Variants in MAX observed in about 807,000 individuals in gnomAD.
The protein encoded by MAX is MYC associated transcriptional regulator X.
Under a neutral mutation model 22.3 loss-of-function variants are expected in MAX, and 3 were observed. That is an observed-to-expected ratio of 0.13 (90% confidence interval 0.06 to 0.35). MAX has a LOEUF of 0.35. Among genes scored for constraint, MAX ranks in the 10% least tolerant of loss-of-function variants. MAX has a pLI of 1.00. For missense variants in MAX, 119 were observed against 209.4 expected, an observed-to-expected ratio of 0.57 and a Z score of 2.66; for synonymous variants, 72 against 77.7, an observed-to-expected ratio of 0.93 and a Z score of 0.39.
chr14:65,094,951 C>T (rs1373053753), intron 2 of MAX, among the ~76,000 whole-genome samples: 2 of 152,190 alleles, frequency 1.3e-5, no homozygotes, highest in Admixed American at 6.5e-5. Context: ...TAAATCTATA[C>T]AAACAGAGGG....
intron 3 of MAX, among the ~76,000 whole-genome samples, chr14:65,015,366 G>A (rs796627423): frequency 1.3e-4 from 20 of 148,566 alleles, no homozygotes; most frequent in African/African-American, 4.9e-4. Flanking sequence ...GCCTCCCAAA[G>A]TGCTGGGATT....
chr14:65,009,014 G>A lies in MAX; in HGVS notation c.172-2730C>T, dbSNP rs111380513. Among the ~76,000 whole-genome samples, 4 of 152,276 alleles carry A rather than the reference G, an allele frequency of 2.6e-5. No homozygotes were observed. The highest frequency in any genetic ancestry group is 9.6e-5 in the African/African-American group (4 of 41,560). ...CCCTGCACCCCCTCAAGTCCTGCAC[G>A]AAACCTGTCTTATTCTGCTCCATGT... On this transcript the variant is annotated intron_variant, in intron 3 of 3. Coordinates refer to the MAX transcript ENST00000341653. This position sits in a 1 kb window ranked among gnomAD's most constrained non-coding sequence, Gnocchi z 4.2.
Position 65,054,495 on chromosome 14 carries a change from G to T in MAX, c.171+39213C>A. ...GGGGGGGACGTGTGATTGCACCAGTGGTCTCTGAATTGGTGTGGCTACATT... is the reference window on the plus strand; with the variant it reads ...GGGGGGGACGTGTGATTGCACCAGTTGTCTCTGAATTGGTGTGGCTACATT... On this transcript the variant is annotated intron_variant, in intron 3 of 3. Transcript: ENST00000341653. The surrounding 1 kb of genome is among the most constrained non-coding windows in gnomAD (Gnocchi z 4.4). 7.2e-7 allele frequency: 1 copy of T among 1,381,094 alleles called. No individual in the cohort carries two copies. The highest frequency in any genetic ancestry group is 1.0e-6 in the Non-Finnish European group (1 of 998,592). The allele number at this position is 1,381,094 out of a possible 1,614,324, so 85.6% of individuals were successfully genotyped here.
At chr14:65,064,986 A>T (rs192120855) in intron 3 of MAX, among the ~76,000 whole-genome samples, 3 of 152,376 alleles carry the variant, frequency 2.0e-5, no homozygotes, top group Admixed American at 2.0e-4. Flanking sequence ...ATTTTCATTT[A>T]TCTCTCTTTG....
intron 3 of MAX, among the ~76,000 whole-genome samples, chr14:65,010,895 C>T (rs947060746): frequency 6.6e-6 from 1 of 152,196 alleles, no homozygotes; most frequent in African/African-American, 2.4e-5. Context: ...CCATTAGCCA[C>T]CTGCAGCTAT....
intron 2 of MAX, among the ~76,000 whole-genome samples, chr14:65,098,070 A>T (rs1430035159): frequency 6.6e-6 from 1 of 152,216 alleles, no homozygotes; most frequent in East Asian, 1.9e-4. Context: ...TTTTAATTAA[A>T]AACCAAGCTG....
intron 3 of MAX, among the ~76,000 whole-genome samples, chr14:65,013,945 C>T (rs2061726480): frequency 6.6e-6 from 1 of 152,168 alleles, no homozygotes; most frequent in African/African-American, 2.4e-5. Flanking sequence ...GTCATTTGCT[C>T]AAAGGCACAT....
chr14:65,075,055 C>T, downstream of MAX: 1 of 1,009,910 alleles, frequency 9.9e-7, no homozygotes, highest in Non-Finnish European at 1.2e-6. The surrounding 1 kb of genome is among the most constrained non-coding windows in gnomAD (Gnocchi z 4.1). Context: ...CATTGAGGCC[C>T]TAACAGCTTC....
At chr14:65,083,107 C>T (rs1453416529) in intron 3 of MAX, among the ~76,000 whole-genome samples, 1 of 152,186 alleles carries the variant, frequency 6.6e-6, no homozygotes, top group Non-Finnish European at 1.5e-5. Context: ...GTCCCTCCTA[C>T]TGTTTATGCT....
rs2062698622 is a variant in MAX at position 65,054,982 on chromosome 14, C to A, written c.171+38726G>T. ...TGGTATTAGCTTCCCCTAGAGGAGG[C>A]CACAGTTACGTGTCACTCTGAGGCT... is the stretch of plus-strand genomic sequence containing the variant. On this transcript the variant is annotated intron_variant, in intron 3 of 3. Coordinates refer to the MAX transcript ENST00000341653. The surrounding 1 kb of genome is among the most constrained non-coding windows in gnomAD (Gnocchi z 4.4). Among the ~76,000 whole-genome samples the A allele has an allele frequency of 1.3e-5, 2 of 152,330 alleles. No individual in the cohort carries two copies. Among genetic ancestry groups the A allele is most frequent in the South Asian group, 4.1e-4 (2 of 4,828 alleles).
intron 3 of MAX, among the ~76,000 whole-genome samples, chr14:65,089,756 TAAAAAAAAAAAAAAAAAAAAAAAA>T (rs55883101): frequency 1.1e-3 from 38 of 36,138 alleles, no homozygotes; most frequent in Middle Eastern, 0.019. Context: ...AGCATCTCTG[TAAAAAAAAAAAAAAAAAAAAAAAA>T]AAAAAAAAAA....
At chr14:65,053,626 T>TAAAAAAAAACAAAAAA (rs201689378) in intron 3 of MAX, among the ~76,000 whole-genome samples, 6 of 144,316 alleles carry the variant, frequency 4.2e-5, no homozygotes, top group African/African-American at 1.6e-4. Flanking sequence ...TTCTTTTTTT[T>TAAAAAAAAACAAAAAA]AAAAAAAACA....
At chr14:65,072,508 C>T (rs921028380), downstream of MAX, among the ~76,000 whole-genome samples, 9 of 152,198 alleles carry the variant, frequency 5.9e-5, no homozygotes, top group African/African-American at 2.2e-4. Context: ...TCCCCAACAG[C>T]GTCCTTTTGG....
Position 65,044,457 on chromosome 14 carries a change from G to A in MAX, c.172-38173C>T, listed in dbSNP as rs182475561. On this transcript the variant is annotated intron_variant, in intron 3 of 3. Coordinates refer to the MAX transcript ENST00000341653. This position sits in a 1 kb window ranked among gnomAD's most constrained non-coding sequence, Gnocchi z 5.5. ...TGCACGCCCAAGGTGAGCCTGGGGA[G>A]CTGTTCACTTGGGGCTGGATGATTT... 1.3e-3 allele frequency: 2,023 copies of A among 1,595,954 alleles called. 24 individuals are homozygous for A. In the African/African-American group the frequency reaches 0.022, roughly 17 times the overall value.
At chr14:65,036,687 C>T (rs114748256) in intron 3 of MAX, among the ~76,000 whole-genome samples, 2,584 of 150,004 alleles carry the variant, frequency 0.017, 44 homozygotes, top group African/African-American at 0.04. Context: ...TCTTTAGCGG[C>T]TTGGAATCTT....
chr14:65,037,775 T>C (rs2062245316), intron 3 of MAX, among the ~76,000 whole-genome samples: 1 of 145,724 alleles, frequency 6.9e-6, no homozygotes, highest in African/African-American at 2.5e-5. Flanking sequence ...TTTATTTATT[T>C]ATTTATTTAT....
chr14:65,095,053 T>TAC (rs1201912416), intron 2 of MAX, among the ~76,000 whole-genome samples: 1 of 152,252 alleles, frequency 6.6e-6, no homozygotes, highest in East Asian at 1.9e-4. Context: ...AGAGAAGATG[T>TAC]ACAGACAAAA....
In MAX at chr14:65,044,326, C is replaced by T. The variant is rs375760309; in HGVS notation, c.172-38042G>A. The T allele has an allele frequency of 2.0e-5, 33 of 1,613,340 alleles. No homozygotes were observed. Among genetic ancestry groups the T allele is most frequent in the African/African-American group, 2.7e-5 (2 of 74,894 alleles). ...GTCTCCTCAGCAATGGGTGACAAGC[C>T]GGCAGATGCGATTTGAAGGAGGATT... On this transcript the variant is annotated intron_variant, in intron 3 of 3. Coordinates refer to the MAX transcript ENST00000341653. The surrounding 1 kb of genome is among the most constrained non-coding windows in gnomAD (Gnocchi z 5.5).
rs1251966714 is a variant in MAX at position 65,078,510 on chromosome 14, CTGT to C, written c.172-477_172-475del. On this transcript the variant is annotated intron_variant, in intron 3 of 4. Coordinates refer to ENST00000358664, the MANE Select transcript of MAX (RefSeq NM_002382.5). This position sits in a 1 kb window ranked among gnomAD's most constrained non-coding sequence, Gnocchi z 6.4. ...ACAGGTGTGAGCCACTGCGCCCAGC[CTGT>C]TGTTGTTGTTGTTGTTGTTGTTTTT... 1.7e-3 allele frequency among the ~76,000 whole-genome samples: 246 copies of C among 148,136 alleles called. No homozygotes were observed. Among genetic ancestry groups the C allele is most frequent in the South Asian group, 3.4e-3 (16 of 4,674 alleles).
Sources: allele counts gnomAD v4.1 joint callset (sites outside exome capture counted in the v4.1 genomes callset), GRCh38; gene constraint gnomAD v4.1.1; non-coding constraint Gnocchi (gnomAD v3.1); transcripts MANE v1.5; gene names NCBI Gene and HGNC (gene_info 2026-07-23, HGNC 2026-07-21).